CADPS2: variants seen among roughly 807,000 people sequenced by gnomAD.
CADPS2 encodes calcium-dependent secretion activator 2.
In CADPS2, 93 loss-of-function variants were observed where a neutral mutation model predicts 172.5. That is an observed-to-expected ratio of 0.54 (90% CI 0.46 to 0.64). The LOEUF is 0.64. Ranked by LOEUF, CADPS2 falls within the 30% of genes least tolerant of loss-of-function variation. The pLI, the probability that CADPS2 is intolerant of heterozygous loss-of-function variation, is 0.00. For missense variants in CADPS2, 1,420 were observed against 1,565.9 expected, an observed-to-expected ratio of 0.91 and a Z score of 1.57; for synonymous variants, 546 against 555.2, an observed-to-expected ratio of 0.98 and a Z score of 0.23.
At chr7:122,719,753 T>C (rs2090139931) in intron 2 of CADPS2, among the ~76,000 whole-genome samples, 1 of 151,578 alleles carries the variant, frequency 6.6e-6, no homozygotes, top group African/African-American at 2.4e-5. Context: ...GAAGCTAAAA[T>C]CTCAGCAGTA....
At chr7:122,329,041 T>G (rs555665097) in intron 28 of CADPS2, among the ~76,000 whole-genome samples, 20 of 152,190 alleles carry the variant, frequency 1.3e-4, no homozygotes, top group African/African-American at 4.8e-4. Flanking sequence ...GCAGCACTTG[T>G]GCATTTTTAA....
chr7:122,723,839 T>A (rs2090769279), intron 2 of CADPS2, among the ~76,000 whole-genome samples: 1 of 152,096 alleles, frequency 6.6e-6, no homozygotes. Context: ...CATGGAAGAC[T>A]ATGCAGCCAT....
intron 3 of CADPS2, among the ~76,000 whole-genome samples, chr7:122,657,147 T>C (rs1317211670): frequency 1.3e-5 from 2 of 152,214 alleles, no homozygotes; most frequent in Non-Finnish European, 2.9e-5. Flanking sequence ...CTGAGGACTC[T>C]GCTCTGTTCC....
intron 2 of CADPS2, among the ~76,000 whole-genome samples, chr7:122,695,209 G>C (rs891365013): frequency 6.6e-6 from 1 of 152,176 alleles, no homozygotes; most frequent in Non-Finnish European, 1.5e-5. Context: ...CCCGATAAGA[G>C]TTGAAATGCG....
intron 3 of CADPS2, among the ~76,000 whole-genome samples, chr7:122,632,753 G>A (rs2076699068): frequency 6.6e-6 from 1 of 152,114 alleles, no homozygotes; most frequent in African/African-American, 2.4e-5. Flanking sequence ...TGTGGACTTA[G>A]CCATAAGTTA....
chr7:122,580,792 A>C (rs1189428282), intron 7 of CADPS2, among the ~76,000 whole-genome samples: 1 of 152,170 alleles, frequency 6.6e-6, no homozygotes, highest in Non-Finnish European at 1.5e-5. Flanking sequence ...ATGAACATGA[A>C]GAGCAGATGA....
intron 17 of CADPS2, among the ~76,000 whole-genome samples, chr7:122,428,724 C>T (rs1249570063): frequency 6.6e-6 from 1 of 152,068 alleles, no homozygotes; most frequent in African/African-American, 2.4e-5. Flanking sequence ...CCACCTTGGC[C>T]TCCCAAAGTG....
At chr7:122,419,737 G>T (rs1275615694) in intron 17 of CADPS2, among the ~76,000 whole-genome samples, 1 of 151,148 alleles carries the variant, frequency 6.6e-6, no homozygotes, top group African/African-American at 2.5e-5. Context: ...TATTTCAATG[G>T]ACTCATATAT....
intron 8 of CADPS2, among the ~76,000 whole-genome samples, chr7:122,546,585 C>T (rs2131775033): frequency 6.6e-6 from 1 of 152,264 alleles, no homozygotes; most frequent in East Asian, 1.9e-4. Flanking sequence ...CAGGGACTTT[C>T]AAGTAAGGCC....
At chr7:122,508,449 GTTTTT>G (rs1205155217) in intron 9 of CADPS2, among the ~76,000 whole-genome samples, 33 of 68,428 alleles carry the variant, frequency 4.8e-4, no homozygotes, top group African/African-American at 1.5e-3. Context: ...ATTCATTTAA[GTTTTT>G]TTTTTTTTTT....
intron 28 of CADPS2, among the ~76,000 whole-genome samples, chr7:122,325,882 T>C (rs1025100992): frequency 1.3e-5 from 2 of 152,052 alleles, no homozygotes; most frequent in African/African-American, 4.8e-5. Context: ...CTTTGTAATT[T>C]GTAAATAACA....
At chr7:122,588,639 T>C (rs771267254) in intron 6 of CADPS2, among the ~76,000 whole-genome samples, 12 of 152,102 alleles carry the variant, frequency 7.9e-5, no homozygotes, top group East Asian at 1.9e-4. Context: ...TTTGGTAGCA[T>C]TGATTCTGAT....
chr7:122,443,187 G>A (rs915934368), intron 15 of CADPS2, among the ~76,000 whole-genome samples: 3 of 152,246 alleles, frequency 2.0e-5, no homozygotes, highest in African/African-American at 7.2e-5. Flanking sequence ...AGGGCTCTGA[G>A]GTCCCACTGG....
intron 1 of CADPS2, among the ~76,000 whole-genome samples, chr7:122,783,228 T>C (rs1472565209): frequency 6.6e-6 from 1 of 151,614 alleles, no homozygotes; most frequent in Non-Finnish European, 1.5e-5. Flanking sequence ...AAAACCAGCA[T>C]ATAGCTAGGT....
intron 1 of CADPS2, among the ~76,000 whole-genome samples, chr7:122,771,208 C>T (rs1180861779): frequency 6.6e-6 from 1 of 152,160 alleles, no homozygotes; most frequent in African/African-American, 2.4e-5. Context: ...TCTGGAGAAA[C>T]ATTGCTTAAA....
intron 14 of CADPS2, among the ~76,000 whole-genome samples, chr7:122,453,813 T>C (rs898878783): frequency 7.0e-4 from 107 of 152,250 alleles, no homozygotes; most frequent in African/African-American, 2.2e-3. Context: ...GGGGGTCAGG[T>C]GATGACAAGT....
At chr7:122,325,745 T>C (rs916239879) in intron 28 of CADPS2, among the ~76,000 whole-genome samples, 164 bp from the exon 29 acceptor site, 14 of 152,100 alleles carry the variant, frequency 9.2e-5, no homozygotes, top group Non-Finnish European at 1.5e-4. Flanking sequence ...TTAACAGAAT[T>C]GTATGCTTTG....
At chr7:122,750,044 A>G (rs537424731) in intron 1 of CADPS2, among the ~76,000 whole-genome samples, 2 of 152,176 alleles carry the variant, frequency 1.3e-5, no homozygotes, top group East Asian at 3.9e-4. Flanking sequence ...TCTATCAGTT[A>G]CAAAGCTATC....
intron 19 of CADPS2, among the ~76,000 whole-genome samples, chr7:122,410,216 C>A (rs956667829): frequency 6.6e-6 from 1 of 151,878 alleles, no homozygotes; most frequent in African/African-American, 2.4e-5. Flanking sequence ...TGGTGGTGTG[C>A]ACCTGTAACC....
Sources: allele counts gnomAD v4.1 joint callset (sites outside exome capture counted in the v4.1 genomes callset), GRCh38; gene constraint gnomAD v4.1.1; transcripts MANE v1.5; gene names NCBI Gene and HGNC (gene_info 2026-07-23, HGNC 2026-07-21).